Variants in OSBPL9 observed in about 807,000 individuals in gnomAD.
OSBPL9 encodes oxysterol binding protein like 9.
Under a neutral mutation model 106.6 loss-of-function variants are expected in OSBPL9, and 40 were observed. The ratio of observed to expected loss-of-function variants is 0.38; its 90% confidence interval spans 0.29 to 0.49. The LOEUF is 0.49. OSBPL9 is among the 20% of genes least tolerant of loss of function. The probability of loss-of-function intolerance (pLI) is 0.97; values close to 1 mark genes in which losing one functional copy is unlikely to be tolerated. For synonymous variants in OSBPL9, 269 were observed against 295.4 expected, an observed-to-expected ratio of 0.91 and a Z score of 0.92; for missense variants, 609 against 887.2, an observed-to-expected ratio of 0.69 and a Z score of 3.98.
At chr1:51,659,501 AAAG>A (rs1557651953) in intron 2 of OSBPL9, among the ~76,000 whole-genome samples, 1 of 152,054 alleles carries the variant, frequency 6.6e-6, no homozygotes, top group Non-Finnish European at 1.5e-5. Flanking sequence ...TAGGTAAAGA[AAAG>A]AAATAGCAAA....
chr1:51,714,595 C>T (rs1476519783), intron 4 of OSBPL9, among the ~76,000 whole-genome samples: 1 of 152,200 alleles, frequency 6.6e-6, no homozygotes, highest in African/African-American at 2.4e-5. Flanking sequence ...GTCATGAGGA[C>T]TCAGATCTCC....
chr1:51,703,436 CTT>C (rs1049128926), intron 3 of OSBPL9, among the ~76,000 whole-genome samples: 4 of 152,090 alleles, frequency 2.6e-5, no homozygotes, highest in African/African-American at 7.2e-5. Context: ...TGATTTGGCT[CTT>C]TGTTTGTCTG....
At chr1:51,592,953 A>T (rs1009614120) in intron 1 of OSBPL9, among the ~76,000 whole-genome samples, 1 of 152,172 alleles carries the variant, frequency 6.6e-6, no homozygotes, top group Admixed American at 6.5e-5. Flanking sequence ...GCTAGCAGTC[A>T]CAAGATTAGC....
intron 12 of OSBPL9, among the ~76,000 whole-genome samples, chr1:51,770,142 T>G (rs1673536618): frequency 6.6e-6 from 1 of 151,618 alleles, no homozygotes; most frequent in African/African-American, 2.4e-5. Context: ...AGCTAATTTT[T>G]TTTTTTTTTT....
chr1:51,683,684 T>C (rs1372584462), intron 3 of OSBPL9, among the ~76,000 whole-genome samples: 1 of 151,814 alleles, frequency 6.6e-6, no homozygotes, highest in Non-Finnish European at 1.5e-5. Context: ...TCGCAGCTAC[T>C]CAGGAGGCTG....
chr1:51,691,627 T>C (rs1654985443), intron 3 of OSBPL9, among the ~76,000 whole-genome samples: 1 of 150,198 alleles, frequency 6.7e-6, no homozygotes, highest in Admixed American at 6.6e-5. Context: ...AGCTTTTTAA[T>C]TTTTTTAACT....
chr1:51,635,204 C>A (rs1232290275), intron 1 of OSBPL9, among the ~76,000 whole-genome samples: 1 of 152,106 alleles, frequency 6.6e-6, no homozygotes, highest in African/African-American at 2.4e-5. Context: ...TACCTATAGT[C>A]CCAGCCACTG....
Position 51,765,958 on chromosome 1 carries a change from C to G in OSBPL9, c.915C>G (p.Gly305=), listed in dbSNP as rs921638224. Residue 305 remains glycine (G), a synonymous_variant, in exon 12 of 24, where the codon GGC becomes GGG. Coordinates refer to ENST00000428468, the MANE Select transcript of OSBPL9 (RefSeq NM_024586.6). Reference sequence around the variant, plus strand: ...ATGCTGATGAATTCCATCAAAGTGGCTCATCCCCAAAGCGCTTAATAGAGT... The same window carrying G: ...ATGCTGATGAATTCCATCAAAGTGGGTCATCCCCAAAGCGCTTAATAGAGT... ...FYDADEFHQS[G]SSPKRLIDSS... is the part of the protein sequence containing the mutation. 1 of 1,613,570 alleles carries G rather than the reference C, an allele frequency of 6.2e-7. No homozygotes were observed. Among genetic ancestry groups the G allele is most frequent in the African/African-American group, 1.3e-5 (1 of 74,882 alleles).
chr1:51,783,521 T>G (rs547520751), intron 17 of OSBPL9, among the ~76,000 whole-genome samples: 1 of 152,244 alleles, frequency 6.6e-6, no homozygotes. Context: ...GCTGAATCTG[T>G]GGGTACAAAA....
chr1:51,601,968 T>C (rs1291740110), intron 2 of OSBPL9, among the ~76,000 whole-genome samples: 2 of 150,974 alleles, frequency 1.3e-5, no homozygotes, highest in Admixed American at 6.6e-5. Context: ...TGGAATCCCG[T>C]CTGCCTGGCT....
rs571653900 is a variant in OSBPL9 at position 51,671,154 on chromosome 1, C to G, written c.241+1642C>G. Among the ~76,000 whole-genome samples, 3 of 152,158 alleles carry G rather than the reference C, an allele frequency of 2.0e-5. No individual in the cohort carries two copies. In the East Asian group the frequency reaches 5.8e-4, roughly 29 times the overall value. On this transcript the variant is annotated intron_variant, in intron 3 of 23. Transcript: ENST00000428468. ...ACTGTCAGAATAATTAGTTTATTTTCTATTGTAGTAGTTATGGGAGTTTTA... is the reference window on the plus strand; with the variant it reads ...ACTGTCAGAATAATTAGTTTATTTTGTATTGTAGTAGTTATGGGAGTTTTA...
chr1:51,610,935 C>G (rs904248715), intron 2 of OSBPL9, among the ~76,000 whole-genome samples: 1 of 152,140 alleles, frequency 6.6e-6, no homozygotes, highest in African/African-American at 2.4e-5. Flanking sequence ...TAGGTTGTCC[C>G]AGACACTGTT....
At chr1:51,609,291 C>T (rs148845949) in intron 2 of OSBPL9, among the ~76,000 whole-genome samples, 167 of 151,826 alleles carry the variant, frequency 1.1e-3, no homozygotes, top group African/African-American at 3.9e-3. Flanking sequence ...TACACTCTAT[C>T]CACATTCCCT....
chr1:51,667,042 A>C (rs1469218759), intron 2 of OSBPL9, among the ~76,000 whole-genome samples: 2 of 152,232 alleles, frequency 1.3e-5, no homozygotes, highest in African/African-American at 4.8e-5. Context: ...GTTGAGAGGT[A>C]GAATGAGCAC....
At chr1:51,711,855 G>C (rs922108162) in intron 3 of OSBPL9, among the ~76,000 whole-genome samples, 5 of 151,818 alleles carry the variant, frequency 3.3e-5, no homozygotes, top group African/African-American at 1.2e-4. Context: ...TAGATGTGAT[G>C]GTGGCCGGGA....
intron 3 of OSBPL9, among the ~76,000 whole-genome samples, chr1:51,700,768 A>G (rs912094830): frequency 4.6e-5 from 7 of 151,958 alleles, no homozygotes; most frequent in African/African-American, 1.7e-4. Flanking sequence ...CATTTGGGGG[A>G]GATACTTTAT....
chr1:51,620,720 T>TA (rs1379814556), intron 1 of OSBPL9, among the ~76,000 whole-genome samples: 1 of 152,202 alleles, frequency 6.6e-6, no homozygotes, highest in African/African-American at 2.4e-5. Flanking sequence ...GGAGGACAGA[T>TA]AATGAAAGGC....
At chr1:51,576,292 T>C (rs1476346164), upstream of OSBPL9, among the ~76,000 whole-genome samples, 1 of 152,178 alleles carries the variant, frequency 6.6e-6, no homozygotes, top group Non-Finnish European at 1.5e-5. Flanking sequence ...GGGAGGGGCC[T>C]CAGAGCTTCT....
At chr1:51,739,293 C>T (rs1165711743) in intron 4 of OSBPL9, among the ~76,000 whole-genome samples, 2 of 151,866 alleles carry the variant, frequency 1.3e-5, no homozygotes, top group African/African-American at 4.8e-5. Context: ...ACTTATAAAA[C>T]AGGTTTAATA....
Sources: gnomAD v4.1 joint callset for allele counts (sites outside exome capture counted in the v4.1 genomes callset) on GRCh38, gnomAD v4.1.1 for gene constraint, MANE v1.5 for transcripts, NCBI Gene and HGNC (gene_info 2026-07-23, HGNC 2026-07-21) for gene names.